CTNND2: variants seen among roughly 807,000 people sequenced by gnomAD.
The protein encoded by CTNND2 is catenin delta-2.
A neutral mutation model predicts 144.4 loss-of-function variants in CTNND2; 22 were observed. That is an observed-to-expected ratio of 0.15 (90% CI 0.11 to 0.22). The LOEUF (loss-of-function observed/expected upper bound fraction) is 0.22. Ranked by LOEUF, CTNND2 falls within the 10% of genes least tolerant of loss-of-function variation. CTNND2 has a pLI of 1.00. For missense variants in CTNND2, 1,353 were observed against 1,618.8 expected, an observed-to-expected ratio of 0.84 and a Z score of 2.82; for synonymous variants, 751 against 695.6, an observed-to-expected ratio of 1.08 and a Z score of -1.25.
chr5:11,335,985 AC>A (rs1753690110), intron 9 of CTNND2, among the ~76,000 whole-genome samples: 1 of 151,784 alleles, frequency 6.6e-6, no homozygotes, highest in African/African-American at 2.4e-5. Flanking sequence ...GCTTTCCACA[AC>A]CAATCAGAGG....
At chr5:11,459,276 T>C (rs1249978244) in intron 3 of CTNND2, among the ~76,000 whole-genome samples, 1 of 152,160 alleles carries the variant, frequency 6.6e-6, no homozygotes, top group Non-Finnish European at 1.5e-5. Context: ...ATTCTATCTT[T>C]AGAATAGGAA....
chr5:11,847,149 T>G (rs1196775852), intron 1 of CTNND2, among the ~76,000 whole-genome samples: 1 of 127,600 alleles, frequency 7.8e-6, no homozygotes, highest in Non-Finnish European at 1.6e-5. Flanking sequence ...TATATATATA[T>G]ATATATATAT....
chr5:11,639,821 G>C (rs982004163), intron 2 of CTNND2, among the ~76,000 whole-genome samples: 1 of 152,182 alleles, frequency 6.6e-6, no homozygotes, highest in African/African-American at 2.4e-5. Context: ...GATTAAGGTT[G>C]AGATCACTCT....
intron 18 of CTNND2, among the ~76,000 whole-genome samples, chr5:10,998,079 A>G (rs960613969): frequency 6.6e-6 from 1 of 152,186 alleles, no homozygotes; most frequent in African/African-American, 2.4e-5. Context: ...GTGTAATAAC[A>G]AAATTGCTTA....
At chr5:11,382,847 T>C (rs1366632364) in intron 7 of CTNND2, among the ~76,000 whole-genome samples, 1 of 152,130 alleles carries the variant, frequency 6.6e-6, no homozygotes, top group Non-Finnish European at 1.5e-5. Context: ...AAATCAGGCA[T>C]GGAGGTCTTG....
In CTNND2 at chr5:11,385,061, C is replaced by A; in HGVS notation, c.781G>T (p.Ala261Ser). ...ALYYSSSTLP[A>S]PPRGGSPLAA... ...AGCGGGGAGCCCCCGCGCGGCGGCG[C>A]GGGCAGCGTGGAGCTGGAGTAGTAG... is the stretch of plus-strand genomic sequence containing the variant. Residue 261 changes from alanine to serine, a missense_variant, in exon 7 of 22, where the codon GCG (alanine) becomes TCG (serine). Physicochemically the swap from Ala to Ser is moderately conservative, Grantham distance 99 (BLOSUM62 1). This residue lies in a region of CTNND2 where 708 missense variants were observed against 706.4 expected (regional missense o/e 1.00). Transcript: ENST00000304623. The A allele has an allele frequency of 8.2e-6, 9 of 1,096,158 alleles. No individual in the cohort carries two copies. The highest frequency in any genetic ancestry group is 9.9e-6 in the Non-Finnish European group (9 of 907,300). The allele number at this position is 1,096,158 out of a possible 1,614,324, so 67.9% of individuals were successfully genotyped here. A position where few individuals can be genotyped will look rare whatever the true frequency, so the allele number is the denominator to read the frequency against.
At chr5:11,437,668 C>T (rs1763890867) in intron 3 of CTNND2, among the ~76,000 whole-genome samples, 1 of 152,096 alleles carries the variant, frequency 6.6e-6, no homozygotes, top group South Asian at 2.1e-4. Context: ...AAGTTTGGGA[C>T]AGAGACAATA....
At chr5:11,007,084 G>A (rs765798912) in intron 18 of CTNND2, among the ~76,000 whole-genome samples, 2 of 152,206 alleles carry the variant, frequency 1.3e-5, no homozygotes, top group Non-Finnish European at 2.9e-5. Context: ...CAATGTGGAT[G>A]TATCCACTTC....
chr5:11,724,721 T>C (rs756687394), intron 2 of CTNND2, among the ~76,000 whole-genome samples: 1 of 152,250 alleles, frequency 6.6e-6, no homozygotes, highest in Non-Finnish European at 1.5e-5. Context: ...TGGAATTGTT[T>C]GTGATTTCCT....
chr5:11,493,634 T>A (rs1427898624), intron 3 of CTNND2, among the ~76,000 whole-genome samples: 11 of 152,222 alleles, frequency 7.2e-5, no homozygotes. Context: ...GGGCTGTGAT[T>A]TATATATCAA....
intron 20 of CTNND2, among the ~76,000 whole-genome samples, chr5:10,984,408 C>A (rs1737676025): frequency 6.6e-6 from 1 of 152,174 alleles, no homozygotes. Context: ...TTCTGTTGCT[C>A]AGAATTAAAT....
intron 11 of CTNND2, 79 bp downstream of exon 11, chr5:11,199,369 A>C: frequency 8.0e-7 from 1 of 1,251,520 alleles, no homozygotes; most frequent in Non-Finnish European, 1.2e-6. Flanking sequence ...TATTTATTTG[A>C]TTAGTACATT....
At chr5:11,493,234 G>T (rs951606190) in intron 3 of CTNND2, among the ~76,000 whole-genome samples, 2 of 152,180 alleles carry the variant, frequency 1.3e-5, no homozygotes, top group African/African-American at 4.8e-5. Flanking sequence ...GCAAAGGGAT[G>T]GGGTTATGAT....
chr5:10,997,302 A>T (rs1467951564), intron 18 of CTNND2, among the ~76,000 whole-genome samples: 2 of 151,934 alleles, frequency 1.3e-5, no homozygotes, highest in African/African-American at 2.4e-5. Flanking sequence ...GATTAAAAAC[A>T]TTTTTTTTAG....
At chr5:11,298,526 G>C (rs868612624) in intron 9 of CTNND2, among the ~76,000 whole-genome samples, 1 of 152,166 alleles carries the variant, frequency 6.6e-6, no homozygotes, top group African/African-American at 2.4e-5. Flanking sequence ...AATCTGAAGA[G>C]TAAAATTCCT....
At chr5:11,383,883 GA>G (rs1561311671) in intron 7 of CTNND2, among the ~76,000 whole-genome samples, 4 of 152,198 alleles carry the variant, frequency 2.6e-5, no homozygotes. Flanking sequence ...TAACAGCAGA[GA>G]GGCACCAGCG....
chr5:11,426,907 G>C lies in CTNND2; in HGVS notation c.288-14838C>G, dbSNP rs142933608. ...TCTAACTCACCAATAAGAGAATGTT[G>C]GTAGAATATGTGCATATCAAGAAAT... On this transcript the variant is annotated intron_variant, in intron 3 of 21. Coordinates refer to ENST00000304623, the MANE Select transcript of CTNND2 (RefSeq NM_001332.4). Among the ~76,000 whole-genome samples the C allele has an allele frequency of 1.1e-3, 161 of 152,254 alleles. 5 individuals are homozygous for C. The East Asian group carries it at 0.029, about 28-fold the overall frequency.
intron 5 of CTNND2, among the ~76,000 whole-genome samples, chr5:11,405,258 T>C (rs1417018040): frequency 6.6e-6 from 1 of 152,220 alleles, no homozygotes; most frequent in African/African-American, 2.4e-5. Flanking sequence ...GAAATTTGCA[T>C]TGTTTTCTCA....
chr5:11,795,373 T>C (rs1400123368), intron 1 of CTNND2, among the ~76,000 whole-genome samples: 1 of 152,152 alleles, frequency 6.6e-6, no homozygotes, highest in African/African-American at 2.4e-5. Flanking sequence ...AGATTTAACA[T>C]GGTTTAAGGA....
Sources: gnomAD v4.1 joint callset for allele counts (sites outside exome capture counted in the v4.1 genomes callset) on GRCh38, gnomAD v4.1.1 for gene constraint, gnomAD v4.1.1 regional missense constraint, MANE v1.5 for transcripts, NCBI Gene and HGNC (gene_info 2026-07-23, HGNC 2026-07-21) for gene names.